THSD7B: variants seen among roughly 807,000 people sequenced by gnomAD.
The protein encoded by THSD7B is thrombospondin type-1 domain-containing protein 7B.
In THSD7B, 138 loss-of-function variants were observed where a neutral mutation model predicts 213.6. The ratio of observed to expected loss-of-function variants is 0.65; its 90% confidence interval spans 0.56 to 0.74. THSD7B has a LOEUF of 0.74. Among genes scored for constraint, THSD7B ranks in the 30% least tolerant of loss-of-function variants. THSD7B has a pLI of 0.00. For missense variants in THSD7B, 1,931 were observed against 1,991.5 expected (o/e 0.97, Z 0.58); for synonymous variants, 742 against 687.0 (o/e 1.08, Z -1.25).
At chr2:137,403,985 A>G (rs1175260870) in intron 12 of THSD7B, among the ~76,000 whole-genome samples, 1 of 152,200 alleles carries the variant, frequency 6.6e-6, no homozygotes, top group East Asian at 1.9e-4. Flanking sequence ...GTTGATCTAG[A>G]GAATATAAAT....
intron 2 of THSD7B, among the ~76,000 whole-genome samples, chr2:136,949,290 A>C (rs1486261429): frequency 1.3e-5 from 2 of 152,224 alleles, no homozygotes; most frequent in African/African-American, 4.8e-5. Context: ...GAAAGCTTTA[A>C]GAGCAACTGT....
chr2:137,517,561 G>A (rs961918125), intron 15 of THSD7B, among the ~76,000 whole-genome samples: 10 of 152,160 alleles, frequency 6.6e-5, no homozygotes, highest in Admixed American at 5.2e-4. Flanking sequence ...AATTTTGGAG[G>A]CAACACATTC....
At chr2:137,608,674 G>A (rs1332742164) in intron 17 of THSD7B, among the ~76,000 whole-genome samples, 2 of 152,284 alleles carry the variant, frequency 1.3e-5, no homozygotes, top group African/African-American at 2.4e-5. Context: ...TTTGGGAATA[G>A]CATAGCACCC....
intron 17 of THSD7B, among the ~76,000 whole-genome samples, chr2:137,610,622 C>T (rs926480229): frequency 6.6e-6 from 1 of 152,148 alleles, no homozygotes; most frequent in African/African-American, 2.4e-5. Context: ...GACTCAGACA[C>T]TAGCTTTTGC....
Position 137,450,878 on chromosome 2 carries a change from C to T in THSD7B, c.2993C>T (p.Pro998Leu). The change falls in exon 15 of 28, where the codon CCA (proline) becomes CTA (leucine). Residue 998 changes from proline to leucine, a missense_variant. Physicochemically the swap from Pro to Leu is moderately conservative, Grantham distance 98 (BLOSUM62 -3). Coordinates refer to ENST00000409968, the MANE Select transcript of THSD7B (RefSeq NM_001316349.2). Reference protein sequence around the residue: ...YIQEKCVIPCPFDCKLSDWSS... With the variant: ...YIQEKCVIPCLFDCKLSDWSS... ...CAAGAAAAATGTGTCATTCCCTGCC[C>T]ATTTGATTGCAAGTTAAGCGATTGG... 2 of 1,609,776 alleles carry T rather than the reference C, an allele frequency of 1.2e-6. No homozygotes were observed. Among genetic ancestry groups the T allele is most frequent in the Middle Eastern group, 1.7e-4 (1 of 6,044 alleles).
intron 12 of THSD7B, among the ~76,000 whole-genome samples, chr2:137,303,626 C>T (rs1335745349): frequency 6.9e-6 from 1 of 144,542 alleles, no homozygotes; most frequent in African/African-American, 2.6e-5. Context: ...AATTGTCCCA[C>T]TCTTTACAGA....
rs540272979 is a variant in THSD7B, at chr2:137,030,652, C to T, written c.140-25768C>T. 1.3e-4 allele frequency among the ~76,000 whole-genome samples: 20 copies of T among 152,222 alleles called. 1 individual carries two copies. Among genetic ancestry groups the T allele is most frequent in the African/African-American group, 3.4e-4 (14 of 41,536 alleles). On this transcript the variant is annotated intron_variant, in intron 2 of 27. Coordinates refer to ENST00000409968, the MANE Select transcript of THSD7B (RefSeq NM_001316349.2). ...TGGATGGAACTGGAGGCCATTACTC[C>T]GAAGTTACTCAAGAATCAAAAACCA... is the stretch of plus-strand genomic sequence containing the variant.
rs547193552 is a variant in THSD7B, at chr2:137,404,518, TAC to T, written c.2501-1087_2501-1086del. On this transcript the variant is annotated intron_variant, in intron 12 of 27. Transcript: ENST00000409968. ...ACACACACACACACATATATGTATATACACACACAATATATATATACACACAT... is the reference window on the plus strand; with the variant it reads ...ACACACACACACACATATATGTATATACACACAATATATATATACACACAT... Among the ~76,000 whole-genome samples, 1,120 of 136,478 alleles carry T rather than the reference TAC, an allele frequency of 8.2e-3. 19 individuals are homozygous for T. Among genetic ancestry groups the T allele is most frequent in the African/African-American group, 0.029 (1,066 of 36,446 alleles). 89.5% of individuals were successfully genotyped at this position (136,478 alleles called of 152,430 possible).
chr2:137,457,822 G>A (rs1183720694), intron 15 of THSD7B, among the ~76,000 whole-genome samples: 1 of 152,100 alleles, frequency 6.6e-6, no homozygotes, highest in Non-Finnish European at 1.5e-5. Flanking sequence ...TAAAAAGTTT[G>A]TGGAAAAATG....
At chr2:137,352,200 A>C (rs1280406091) in intron 12 of THSD7B, among the ~76,000 whole-genome samples, 1 of 151,770 alleles carries the variant, frequency 6.6e-6, no homozygotes, top group East Asian at 1.9e-4. Context: ...GAGGAGATAA[A>C]AAAATTTTCA....
At position 137,587,368 on chromosome 2, in the gene THSD7B, G is replaced by A. The variant is rs143824942; in HGVS notation, c.3423+14812G>A. On this transcript the variant is annotated intron_variant, in intron 17 of 27. Transcript: ENST00000409968. ...GTTATTATCCATCTAGCTTTGTTCCGTTGCTGGCGAGGGCCTGTGTTCCTT... is the reference window on the plus strand; with the variant it reads ...GTTATTATCCATCTAGCTTTGTTCCATTGCTGGCGAGGGCCTGTGTTCCTT... 2.9e-3 allele frequency among the ~76,000 whole-genome samples: 435 copies of A among 152,286 alleles called. 2 individuals carry two copies. The highest frequency in any genetic ancestry group is 9.7e-3 in the African/African-American group (401 of 41,554).
intron 2 of THSD7B, among the ~76,000 whole-genome samples, chr2:137,055,874 T>TA (rs1687152514): frequency 7.9e-5 from 12 of 152,228 alleles, no homozygotes; most frequent in Admixed American, 7.9e-4. Flanking sequence ...GAAAATAGGA[T>TA]ACTTTGGCAA....
At chr2:136,930,961 T>C (rs1413467578) in intron 2 of THSD7B, among the ~76,000 whole-genome samples, 2 of 152,196 alleles carry the variant, frequency 1.3e-5, no homozygotes, top group African/African-American at 4.8e-5. Flanking sequence ...TGTCTAACAA[T>C]GACTATTTAT....
At chr2:137,153,269 A>G (rs1679851844) in intron 5 of THSD7B, among the ~76,000 whole-genome samples, 1 of 151,782 alleles carries the variant, frequency 6.6e-6, no homozygotes, top group Admixed American at 6.6e-5. Context: ...TAGTGCTGTT[A>G]CTCTTTATCA....
chr2:136,953,489 G>A (rs1685074550), intron 2 of THSD7B, among the ~76,000 whole-genome samples: 1 of 152,026 alleles, frequency 6.6e-6, no homozygotes, highest in Non-Finnish European at 1.5e-5. Flanking sequence ...TTATACTTAA[G>A]GATAAGTATA....
At chr2:137,524,020 T>A (rs1196835438) in intron 15 of THSD7B, among the ~76,000 whole-genome samples, 4 of 152,168 alleles carry the variant, frequency 2.6e-5, no homozygotes, top group Non-Finnish European at 5.9e-5. Flanking sequence ...ATTTCTGGAT[T>A]TCTACCAACT....
At chr2:136,897,361 C>T (rs1024670461) in intron 2 of THSD7B, among the ~76,000 whole-genome samples, 18 of 152,002 alleles carry the variant, frequency 1.2e-4, no homozygotes, top group African/African-American at 3.9e-4. Flanking sequence ...CTGGTGGGCT[C>T]GTGGTCTCGC....
At chr2:136,990,970 T>A (rs1173462835) in intron 2 of THSD7B, 1 of 1,317,858 alleles carries the variant, frequency 7.6e-7, no homozygotes, top group East Asian at 5.1e-5. Flanking sequence ...GGGAAAGACA[T>A]CAAAACTATC....
chr2:136,856,755 A>G (rs1047092681), intron 1 of THSD7B, among the ~76,000 whole-genome samples: 1 of 152,164 alleles, frequency 6.6e-6, no homozygotes. Flanking sequence ...ACCTCAGGTG[A>G]TCTGCCCACC....
Sources: allele counts gnomAD v4.1 joint callset (sites outside exome capture counted in the v4.1 genomes callset), GRCh38; gene constraint gnomAD v4.1.1; transcripts MANE v1.5; gene names NCBI Gene and HGNC (gene_info 2026-07-23, HGNC 2026-07-21).